Variants in CEP63 observed in about 807,000 individuals in gnomAD.
CEP63 encodes the protein centrosomal protein of 63 kDa.
CEP63 carries 84 observed loss-of-function variants against 89.1 expected under a neutral mutation model. The observed-to-expected ratio is 0.94, with a 90% confidence interval of 0.79 to 1.13. CEP63 has a LOEUF of 1.13. Ranked by LOEUF, CEP63 falls within the 50% of genes most tolerant of loss-of-function variation. The pLI is 0.00. For synonymous variants in CEP63, 267 were observed against 272.5 expected (o/e 0.98, Z 0.20); for missense variants, 838 against 813.3 (o/e 1.03, Z -0.37).
the CEP63 span, among the ~76,000 whole-genome samples, chr3:134,736,818 T>C: frequency 6.6e-6 from 1 of 152,188 alleles, no homozygotes; most frequent in East Asian, 1.9e-4. Flanking sequence ...AGAACATTCA[T>C]CCCAGATAAT....
chr3:134,637,444 C>T, the CEP63 span, among the ~76,000 whole-genome samples: 4 of 152,188 alleles, frequency 2.6e-5, no homozygotes, highest in Admixed American at 2.0e-4. Flanking sequence ...TCACTCTCTC[C>T]CCTCTCATAG....
chr3:134,557,396 T>G (rs868736009), intron 12 of CEP63, among the ~76,000 whole-genome samples: 17 of 137,528 alleles, frequency 1.2e-4, no homozygotes, highest in African/African-American at 3.9e-4. Context: ...TTTTTTTTTT[T>G]TTTTTTTTAC....
At chr3:134,575,707 C>T (rs1958200428), downstream of CEP63, among the ~76,000 whole-genome samples, 1 of 151,818 alleles carries the variant, frequency 6.6e-6, no homozygotes, top group South Asian at 2.1e-4. Flanking sequence ...GGCATCCTGG[C>T]CTCAGGTGAT....
chr3:134,567,980 ATC>A (rs1560070047), downstream of CEP63, among the ~76,000 whole-genome samples: 1 of 152,250 alleles, frequency 6.6e-6, no homozygotes, highest in Non-Finnish European at 1.5e-5. Context: ...GTCCCTCAGT[ATC>A]TCTACAAGCA....
chr3:134,591,112 A>G (rs1958587934), downstream of CEP63, among the ~76,000 whole-genome samples: 1 of 152,154 alleles, frequency 6.6e-6, no homozygotes, highest in Non-Finnish European at 1.5e-5. Context: ...ATGTTTCTAA[A>G]TGTTCTTATT....
the CEP63 span, among the ~76,000 whole-genome samples, chr3:134,746,394 G>C: frequency 9.2e-5 from 14 of 152,182 alleles, no homozygotes; most frequent in Non-Finnish European, 2.1e-4. Context: ...GTGTGCATGT[G>C]TCTTTATAGT....
chr3:134,526,647 A>G (rs1485705909), intron 3 of CEP63, among the ~76,000 whole-genome samples: 1 of 152,014 alleles, frequency 6.6e-6, no homozygotes, highest in African/African-American at 2.4e-5. Flanking sequence ...TGGAGAAGTG[A>G]TATGGTTGTT....
the CEP63 span, among the ~76,000 whole-genome samples, chr3:134,754,325 A>C: frequency 6.6e-6 from 1 of 152,132 alleles, no homozygotes. Flanking sequence ...TGGGCTGCCC[A>C]TATTCGCCCG....
the CEP63 span, among the ~76,000 whole-genome samples, chr3:134,681,417 G>A: frequency 6.6e-6 from 1 of 152,166 alleles, no homozygotes; most frequent in East Asian, 1.9e-4. Flanking sequence ...TGCTCCAGGA[G>A]GCCCATAAGG....
At chr3:134,680,661 T>C in the CEP63 span, among the ~76,000 whole-genome samples, 14 of 152,090 alleles carry the variant, frequency 9.2e-5, no homozygotes, top group African/African-American at 3.4e-4. Context: ...TTTGGGGAAG[T>C]CTAAAGCCCC....
intron 3 of CEP63, among the ~76,000 whole-genome samples, chr3:134,530,390 T>C (rs1949636875): frequency 6.6e-6 from 1 of 152,224 alleles, no homozygotes; most frequent in Non-Finnish European, 1.5e-5. Context: ...TTCATGTTTA[T>C]TGGACATTTA....
chr3:134,635,493 T>TAAAAAA, the CEP63 span, among the ~76,000 whole-genome samples: 8 of 79,314 alleles, frequency 1.0e-4, no homozygotes, highest in East Asian at 8.5e-4. Flanking sequence ...CGAGACTCTG[T>TAAAAAA]AAAAAAAAAA....
chr3:134,562,319 AG>A lies in CEP63; in HGVS notation c.*786del. ...CACCAGGGAGGCTGTGGAGAGAGAG[AG>A]GAGCAGGAGGCTGGGTTTGGGGCCC... On this transcript the variant is annotated 3_prime_UTR_variant, in exon 15 of 15. Transcript: ENST00000675561. The A allele has an allele frequency of 2.8e-6, 2 of 726,370 alleles. No homozygotes were observed. The highest frequency in any genetic ancestry group is 3.4e-6 in the Non-Finnish European group (2 of 593,320). 45.0% of individuals were successfully genotyped at this position (726,370 alleles called of 1,614,324 possible). A position where few individuals can be genotyped will look rare whatever the true frequency, so the allele number is the denominator to read the frequency against.
At chr3:134,640,462 C>T in the CEP63 span, among the ~76,000 whole-genome samples, 3 of 151,974 alleles carry the variant, frequency 2.0e-5, no homozygotes, top group Non-Finnish European at 2.9e-5. Flanking sequence ...TGAGGTGAGC[C>T]GTGAGAGGGG....
At chr3:134,697,430 C>T in the CEP63 span, among the ~76,000 whole-genome samples, 10,978 of 152,144 alleles carry the variant, frequency 0.072, 711 homozygotes, top group African/African-American at 0.18. Flanking sequence ...GTTTTGGGCA[C>T]GTGGCTTTCT....
the CEP63 span, among the ~76,000 whole-genome samples, chr3:134,687,513 C>A: frequency 6.6e-6 from 1 of 152,108 alleles, no homozygotes; most frequent in Non-Finnish European, 1.5e-5. Flanking sequence ...CAAATCCTCA[C>A]CCCCAGGGTG....
At chr3:134,679,330 C>T in the CEP63 span, among the ~76,000 whole-genome samples, 140,017 of 152,248 alleles carry the variant, frequency 0.92, 64,441 homozygotes, top group East Asian at 1. Context: ...GACCCAGGTT[C>T]GTCCACTTCT....
intron 10 of CEP63, among the ~76,000 whole-genome samples, chr3:134,580,459 G>A (rs1250265779): frequency 2.2e-5 from 3 of 137,032 alleles, no homozygotes; most frequent in Non-Finnish European, 4.8e-5. Flanking sequence ...TCCCAATAAA[G>A]CTGTTTAAAA....
At chr3:134,711,067 T>C in the CEP63 span, among the ~76,000 whole-genome samples, 1 of 152,164 alleles carries the variant, frequency 6.6e-6, no homozygotes, top group Non-Finnish European at 1.5e-5. Context: ...CAAAATTTTA[T>C]GTACACACAT....
Sources: allele counts gnomAD v4.1 joint callset (sites outside exome capture counted in the v4.1 genomes callset), GRCh38; gene constraint gnomAD v4.1.1; transcripts MANE v1.5; gene names NCBI Gene and HGNC (gene_info 2026-07-23, HGNC 2026-07-21).